Variants in TRIM2 observed in about 807,000 individuals in gnomAD.
TRIM2 encodes tripartite motif containing 2.
A neutral mutation model predicts 75.2 loss-of-function variants in TRIM2; 20 were observed. The observed-to-expected ratio is 0.27, with a 90% CI of 0.19 to 0.39. The LOEUF (loss-of-function observed/expected upper bound fraction) is 0.39, where lower values mean the gene tolerates loss of function less well. Among genes scored for constraint, TRIM2 ranks in the 10% least tolerant of loss-of-function variants. The pLI is 1.00. For synonymous variants in TRIM2, 373 were observed against 388.3 expected (o/e 0.96, Z 0.46); for missense variants, 660 against 990.8 (o/e 0.67, Z 4.48).
intron 3 of TRIM2, among the ~76,000 whole-genome samples, chr4:153,292,678 T>C (rs1410066409): frequency 6.6e-6 from 1 of 152,226 alleles, no homozygotes; most frequent in Admixed American, 6.5e-5. Context: ...TTTTTAAAGA[T>C]TATAACGGGG....
chr4:153,200,362 G>T (rs187897379), upstream of TRIM2, among the ~76,000 whole-genome samples: 473 of 152,202 alleles, frequency 3.1e-3, 9 homozygotes, highest in Non-Finnish European at 1.0e-3. Context: ...CTTTGTTGTA[G>T]AACTTCATTT....
intron 1 of TRIM2, among the ~76,000 whole-genome samples, chr4:153,239,426 T>G (rs1208144687): frequency 1.3e-5 from 2 of 151,144 alleles, no homozygotes; most frequent in African/African-American, 2.5e-5. Flanking sequence ...GTGCTCTCTC[T>G]CTCTCTCTCT....
intron 8 of TRIM2, among the ~76,000 whole-genome samples, chr4:153,321,982 C>T (rs1313741696): frequency 6.6e-6 from 1 of 152,100 alleles, no homozygotes; most frequent in Non-Finnish European, 1.5e-5. Flanking sequence ...TTAAAGCAAG[C>T]AATGGAAGTA....
intron 8 of TRIM2, among the ~76,000 whole-genome samples, chr4:153,320,292 A>G (rs544123079): frequency 6.6e-6 from 1 of 152,216 alleles, no homozygotes; most frequent in African/African-American, 2.4e-5. Flanking sequence ...ATGAAATCTG[A>G]ATCTTCATCA....
chr4:153,338,302 T>TTAC lies in TRIM2; in HGVS notation c.*3338_*3340dup. 2.0e-6 allele frequency: 2 copies of TTAC among 985,860 alleles called. No homozygotes were observed. The highest frequency in any genetic ancestry group is 2.4e-6 in the Non-Finnish European group (2 of 829,930). 61.1% of individuals were successfully genotyped at this position (985,860 alleles called of 1,614,324 possible). On this transcript the variant is annotated 3_prime_UTR_variant, in exon 12 of 12. Transcript: ENST00000338700. ...AAATAAACATTAGGTAATCTGCAGA[T>TTAC]TACTTCAAATGGGAAAAATCTTTTT...
At chr4:153,204,434 C>T, upstream of TRIM2, 1 of 1,443,562 alleles carries the variant, frequency 6.9e-7, no homozygotes, top group Non-Finnish European at 9.5e-7. Flanking sequence ...AAGGGCCACC[C>T]TTTAACTCGG....
chr4:153,336,375 C>T lies in TRIM2; in HGVS notation c.*1409C>T, dbSNP rs1378075632. 4 of 980,624 alleles carry T rather than the reference C, an allele frequency of 4.1e-6. No homozygotes were observed. In the African/African-American group the frequency reaches 7.1e-5, roughly 17 times the overall value. The allele number at this position is 980,624 out of a possible 1,614,324, so 60.7% of individuals were successfully genotyped here. A position where few individuals can be genotyped will look rare whatever the true frequency, so the allele number is the denominator to read the frequency against. ...AAAAAAAAACAAAAAAAAAACCACA[C>T]ACACACATAAAAAACCCAACAGGTC... On this transcript the variant is annotated 3_prime_UTR_variant, in exon 12 of 12. Coordinates refer to ENST00000338700, the MANE Select transcript of TRIM2 (RefSeq NM_015271.5).
chr4:153,298,714 C>A (rs568973471), intron 6 of TRIM2, among the ~76,000 whole-genome samples: 1 of 152,242 alleles, frequency 6.6e-6, no homozygotes, highest in East Asian at 1.9e-4. Flanking sequence ...CTTTCAGCAA[C>A]TTTCAAGTGT....
chr4:153,188,433 C>T lies in TRIM2; in HGVS notation c.-49+35163C>T, dbSNP rs372070883. ...TGAGACCATACCACTGCACTTTAGC[C>T]TAGGTAACAAAGTGAGACTCTGTCT... On this transcript the variant is annotated intron_variant, in intron 1 of 11. Coordinates refer to the TRIM2 transcript ENST00000437508. Among the ~76,000 whole-genome samples, 11 of 152,200 alleles carry T rather than the reference C, an allele frequency of 7.2e-5. No individual in the cohort carries two copies. The East Asian group carries it at 7.7e-4, about 11-fold the overall frequency.
chr4:153,186,632 C>T (rs1022117609), intron 1 of TRIM2, among the ~76,000 whole-genome samples: 3 of 152,174 alleles, frequency 2.0e-5, no homozygotes, highest in African/African-American at 7.2e-5. Flanking sequence ...GCCAAGGGCA[C>T]CTGAGGGCCC....
rs190615087 is a variant in TRIM2, at chr4:153,225,298, C to T, written c.30+20738C>T. On this transcript the variant is annotated intron_variant, in intron 1 of 11. Coordinates refer to ENST00000338700, the MANE Select transcript of TRIM2 (RefSeq NM_015271.5). ...TACAGGTACTAAAAGTTTATGCTGGCGGGTCAGCACCTGGCAAATGCTTTT... is the reference window on the plus strand; with the variant it reads ...TACAGGTACTAAAAGTTTATGCTGGTGGGTCAGCACCTGGCAAATGCTTTT... Among the ~76,000 whole-genome samples the T allele has an allele frequency of 1.7e-3, 259 of 152,212 alleles. 1 individual carries two copies. Among genetic ancestry groups the T allele is most frequent in the Admixed American group, 8.5e-3 (130 of 15,290 alleles).
chr4:153,152,307 G>A (rs959901001), upstream of TRIM2: 2 of 152,002 alleles, frequency 1.3e-5, no homozygotes, highest in South Asian at 2.1e-4. Context: ...GCCTCGCGGG[G>A]AAGGGCTCTC....
At chr4:153,318,987 A>G (rs1768320639) in intron 8 of TRIM2, among the ~76,000 whole-genome samples, 1 of 152,262 alleles carries the variant, frequency 6.6e-6, no homozygotes, top group South Asian at 2.1e-4. Context: ...GTAAAAGGAT[A>G]GCATGTAAAA....
chr4:153,307,638 G>A (rs1043486609), intron 6 of TRIM2, among the ~76,000 whole-genome samples: 13 of 152,072 alleles, frequency 8.5e-5, no homozygotes, highest in Non-Finnish European at 1.2e-4. Context: ...TGAGGTTGGG[G>A]GCAATGCTAA....
At chr4:153,319,250 G>A (rs11947694) in intron 8 of TRIM2, among the ~76,000 whole-genome samples, 94,298 of 151,954 alleles carry the variant, frequency 0.62, 30,075 homozygotes, top group African/African-American at 0.77. Flanking sequence ...TGCCTCCTCT[G>A]AATTTATTCT....
rs142832011 is a variant in TRIM2, at chr4:153,321,719, G to C, written c.1783-929G>C. 2.1e-3 allele frequency among the ~76,000 whole-genome samples: 315 copies of C among 152,248 alleles called. 1 individual carries two copies. The highest frequency in any genetic ancestry group is 7.3e-3 in the African/African-American group (303 of 41,530). On this transcript the variant is annotated intron_variant, in intron 8 of 11. Coordinates refer to ENST00000338700, the MANE Select transcript of TRIM2 (RefSeq NM_015271.5). The stretch of plus-strand genomic sequence containing the variant: ...CCCGCCCAAGGAGAACTTAATTCTC[G>C]TAAAGTTTAATGCTAGATGCCAGGC...
chr4:153,251,039 C>A (rs1027767044), intron 1 of TRIM2, among the ~76,000 whole-genome samples: 7 of 152,334 alleles, frequency 4.6e-5, no homozygotes, highest in Non-Finnish European at 7.3e-5. Context: ...ACTGGGTCAG[C>A]TGGTTCCCAA....
intron 6 of TRIM2, among the ~76,000 whole-genome samples, chr4:153,300,072 C>T (rs1054916435): frequency 2.0e-5 from 3 of 152,142 alleles, no homozygotes; most frequent in African/African-American, 7.2e-5. Flanking sequence ...CTTTGCGGCA[C>T]CGAAAATTTG....
At position 153,315,887 on chromosome 4, in the gene TRIM2, C is replaced by T. The variant is rs778099061; in HGVS notation, c.1670C>T (p.Pro557Leu). ...KSRFGIRGRS[P>L]GQLQRPTGVA... is the part of the protein sequence containing the mutation. The stretch of plus-strand genomic sequence containing the variant: ...CGTTTTGGCATACGGGGACGCTCTC[C>T]GGGGCAGCTGCAGCGGCCCACAGGA... The change falls in exon 8 of 12, where the codon CCG becomes CTG. Residue 557 changes from proline (P) to leucine (L), a missense_variant. Coordinates refer to ENST00000338700, the MANE Select transcript of TRIM2 (RefSeq NM_015271.5). The T allele has an allele frequency of 6.8e-6, 11 of 1,614,064 alleles. No individual in the cohort carries two copies. Among genetic ancestry groups the T allele is most frequent in the South Asian group, 6.6e-5 (6 of 91,074 alleles).
Sources: gnomAD v4.1 joint callset for allele counts (sites outside exome capture counted in the v4.1 genomes callset) on GRCh38, gnomAD v4.1.1 for gene constraint, MANE v1.5 for transcripts, NCBI Gene and HGNC (gene_info 2026-07-23, HGNC 2026-07-21) for gene names.